The following RABGAP1L variants were observed in gnomAD, a reference collection of about 807,000 sequenced individuals.
RABGAP1L encodes the protein RAB GTPase activating protein 1 like.
In RABGAP1L, 63 loss-of-function variants were observed where a neutral mutation model predicts 137.7. That is an observed-to-expected ratio of 0.46 (90% CI 0.37 to 0.56). The LOEUF (loss-of-function observed/expected upper bound fraction) is 0.56. Among genes scored for constraint, RABGAP1L ranks in the 20% least tolerant of loss-of-function variants. The pLI, the probability that RABGAP1L is intolerant of heterozygous loss-of-function variation, is 0.00. For missense variants in RABGAP1L, 1,095 were observed against 1,244.0 expected (o/e 0.88, Z 1.80); for synonymous variants, 431 against 433.7 (o/e 0.99, Z 0.08).
chr1:174,533,012 G>A (rs6693225), intron 13 of RABGAP1L, among the ~76,000 whole-genome samples: 75,814 of 152,054 alleles, frequency 0.5, 21,443 homozygotes, highest in African/African-American at 0.78. Flanking sequence ...AGGTGGGTGG[G>A]TCACGAGGTC....
At chr1:174,551,820 C>G (rs1465956478) in intron 13 of RABGAP1L, among the ~76,000 whole-genome samples, 5 of 152,000 alleles carry the variant, frequency 3.3e-5, no homozygotes, top group Admixed American at 3.3e-4. Context: ...AAGGGAAGGC[C>G]TGAATCACCA....
intron 13 of RABGAP1L, among the ~76,000 whole-genome samples, chr1:174,595,508 G>A (rs1157485145): frequency 1.4e-5 from 1 of 72,680 alleles, no homozygotes; most frequent in Non-Finnish European, 2.5e-5. Context: ...GGTCTTTGAT[G>A]ATGGTGATGT....
intron 13 of RABGAP1L, among the ~76,000 whole-genome samples, chr1:174,552,853 G>A (rs1666643085): frequency 6.6e-6 from 1 of 152,094 alleles, no homozygotes; most frequent in Admixed American, 6.5e-5. Context: ...CAGTGTATAA[G>A]CGTTCGTTTG....
chr1:174,493,318 A>G (rs1660434851), intron 13 of RABGAP1L, among the ~76,000 whole-genome samples: 1 of 151,092 alleles, frequency 6.6e-6, no homozygotes, highest in African/African-American at 2.4e-5. Context: ...CTAGAATCAC[A>G]CTACTGTACT....
chr1:174,856,154 T>C (rs1286757618), intron 19 of RABGAP1L, among the ~76,000 whole-genome samples: 3 of 152,160 alleles, frequency 2.0e-5, no homozygotes, highest in Admixed American at 2.0e-4. Context: ...CCCAGCACTT[T>C]GGGAGGCCAA....
At chr1:174,307,584 A>C (rs1304921558) in intron 11 of RABGAP1L, among the ~76,000 whole-genome samples, 4 of 152,072 alleles carry the variant, frequency 2.6e-5, no homozygotes, top group African/African-American at 9.7e-5. Flanking sequence ...GGCTTCTTTC[A>C]CTTAGCACAG....
At chr1:174,647,859 T>G (rs1675116225) in intron 14 of RABGAP1L, among the ~76,000 whole-genome samples, 1 of 152,290 alleles carries the variant, frequency 6.6e-6, no homozygotes, top group Non-Finnish European at 1.5e-5. Flanking sequence ...GTTGGTAGGC[T>G]ATTAATTACT....
At chr1:174,953,522 A>AC (rs1573988893) in intron 19 of RABGAP1L, among the ~76,000 whole-genome samples, 1 of 152,308 alleles carries the variant, frequency 6.6e-6, no homozygotes, top group East Asian at 1.9e-4. Flanking sequence ...GCTGACAAGG[A>AC]CCCACTCTCA....
At chr1:174,774,783 G>A (rs1372675354) in intron 18 of RABGAP1L, among the ~76,000 whole-genome samples, 1 of 152,152 alleles carries the variant, frequency 6.6e-6, no homozygotes, top group Non-Finnish European at 1.5e-5. Flanking sequence ...GGGAGGCTGA[G>A]ATGGGAGGAT....
chr1:174,360,081 A>G lies in RABGAP1L; in HGVS notation c.1466-10898A>G, dbSNP rs530941436. 2.0e-5 allele frequency among the ~76,000 whole-genome samples: 3 copies of G among 152,218 alleles called. No homozygotes were observed. The East Asian group carries it at 5.8e-4, about 29-fold the overall frequency. ...ATTTTCCTGTGGTTCTCCTCTGCTA[A>G]TCTAGGTTTTTATAGTTCTAATATC... On this transcript the variant is annotated intron_variant, in intron 11 of 25. Coordinates refer to ENST00000681986, the MANE Select transcript of RABGAP1L (RefSeq NM_001366446.1).
chr1:174,892,121 C>T (rs1350504247), intron 19 of RABGAP1L, among the ~76,000 whole-genome samples: 1 of 152,214 alleles, frequency 6.6e-6, no homozygotes, highest in Non-Finnish European at 1.5e-5. Context: ...GAGCCCGTGG[C>T]TTCCCTGGCT....
intron 13 of RABGAP1L, among the ~76,000 whole-genome samples, chr1:174,484,603 C>G (rs2149338441): frequency 6.6e-6 from 1 of 152,240 alleles, no homozygotes; most frequent in East Asian, 1.9e-4. Context: ...TAGGGTTCTT[C>G]TGCATATGGA....
intron 19 of RABGAP1L, among the ~76,000 whole-genome samples, chr1:174,937,060 A>G (rs1027315563): frequency 7.2e-6 from 1 of 139,488 alleles, no homozygotes; most frequent in Non-Finnish European, 1.5e-5. Context: ...GCTCACTGCA[A>G]CCTCCACCTC....
intron 10 of RABGAP1L, among the ~76,000 whole-genome samples, chr1:174,283,277 G>A (rs1008716213): frequency 6.6e-6 from 1 of 151,836 alleles, no homozygotes; most frequent in African/African-American, 2.4e-5. Flanking sequence ...GTGGTGGTGT[G>A]CACCTGTGGT....
intron 21 of RABGAP1L, among the ~76,000 whole-genome samples, chr1:174,975,046 C>T (rs1045178229): frequency 6.6e-6 from 1 of 152,244 alleles, no homozygotes; most frequent in African/African-American, 2.4e-5. Flanking sequence ...CATCCTGTGG[C>T]CTTCTGCCAT....
At chr1:174,785,321 C>T (rs186018818) in intron 18 of RABGAP1L, among the ~76,000 whole-genome samples, 1 of 152,210 alleles carries the variant, frequency 6.6e-6, no homozygotes, top group Non-Finnish European at 1.5e-5. Flanking sequence ...ATTTCAGCCT[C>T]CCAAAGTGCT....
intron 13 of RABGAP1L, among the ~76,000 whole-genome samples, chr1:174,522,419 C>G (rs1663492513): frequency 6.6e-6 from 1 of 151,876 alleles, no homozygotes. Flanking sequence ...TCTACAAAAA[C>G]TTAGCTGGGC....
At chr1:174,621,828 G>A (rs1672505565) in intron 13 of RABGAP1L, among the ~76,000 whole-genome samples, 1 of 152,160 alleles carries the variant, frequency 6.6e-6, no homozygotes, top group Admixed American at 6.5e-5. Flanking sequence ...AAAAGTAATG[G>A]CAACAAAAGC....
chr1:174,564,504 A>G (rs1368895517), intron 13 of RABGAP1L, among the ~76,000 whole-genome samples: 1 of 152,170 alleles, frequency 6.6e-6, no homozygotes, highest in Non-Finnish European at 1.5e-5. Flanking sequence ...CAGAGAAGAC[A>G]AGTAACTTTT....
Sources: gnomAD v4.1 joint callset for allele counts (sites outside exome capture counted in the v4.1 genomes callset) on GRCh38, gnomAD v4.1.1 for gene constraint, MANE v1.5 for transcripts, NCBI Gene and HGNC (gene_info 2026-07-23, HGNC 2026-07-21) for gene names.